Variants in RIC1 observed in about 807,000 individuals in gnomAD.
RIC1 encodes RIC1 partner of RAB6A GEF complex, also known as guanine nucleotide exchange factor subunit RIC1.
RIC1 carries 88 observed loss-of-function variants against 169.0 expected under a neutral mutation model. That is an observed-to-expected ratio of 0.52 (90% confidence interval 0.44 to 0.62). The LOEUF is 0.62. Among genes scored for constraint, RIC1 ranks in the 20% least tolerant of loss-of-function variants. The probability of loss-of-function intolerance (pLI) is 0.00; values close to 1 mark genes in which losing one functional copy is unlikely to be tolerated. For synonymous variants in RIC1, 790 were observed against 601.5 expected, an observed-to-expected ratio of 1.31 and a Z score of -4.59; for missense variants, 1,877 against 1,725.5, an observed-to-expected ratio of 1.09 and a Z score of -1.56.
rs530249849 is a variant in RIC1 at position 5,728,458 on chromosome 9, A to G, written c.721-3930A>G. 3.7e-4 allele frequency among the ~76,000 whole-genome samples: 56 copies of G among 152,318 alleles called. No homozygotes were observed. The South Asian group carries it at 6.2e-3, about 17-fold the overall frequency. ...CCATCTGTCATGGCTTCCTTTGGCT[A>G]TGAAAAGGAATTCCCCGACCCCTTG... On this transcript the variant is annotated intron_variant, in intron 6 of 25. Coordinates refer to ENST00000414202, the MANE Select transcript of RIC1 (RefSeq NM_020829.4).
chr9:5,765,312 T>G, intron 19 of RIC1, 102 bp from the exon 20 acceptor site: 1 of 1,231,734 alleles, frequency 8.1e-7, no homozygotes, highest in South Asian at 1.5e-5. Flanking sequence ...CCTGTGGTGG[T>G]GTGGCTACAT....
chr9:5,775,765 A>G lies in RIC1; in HGVS notation c.*1519A>G, dbSNP rs541234040. 7.2e-5 allele frequency: 11 copies of G among 152,338 alleles called. No homozygotes were observed. Among genetic ancestry groups the G allele is most frequent in the South Asian group, 2.1e-4 (1 of 4,830 alleles). The allele number at this position is 152,338 out of a possible 1,614,324, so 9.4% of individuals were successfully genotyped here. ...AAATTACTGAGTTGGGTAATTTACT[A>G]TCATTTACTTTTTACATTACAAGTG... On this transcript the variant is annotated 3_prime_UTR_variant, in exon 26 of 26. Transcript: ENST00000414202.
chr9:5,691,327 G>T (rs1821580483), intron 3 of RIC1, among the ~76,000 whole-genome samples: 1 of 151,866 alleles, frequency 6.6e-6, no homozygotes, highest in East Asian at 1.9e-4. Flanking sequence ...GTTCCTGAAT[G>T]GTAGAACTGT....
intron 1 of RIC1, among the ~76,000 whole-genome samples, chr9:5,634,596 C>A (rs2130246388): frequency 6.6e-6 from 1 of 152,066 alleles, no homozygotes; most frequent in South Asian, 2.1e-4. Context: ...TGTATGAGTT[C>A]CTTACATATC....
chr9:5,767,113 A>G (rs1446025995), intron 21 of RIC1, among the ~76,000 whole-genome samples: 1 of 152,242 alleles, frequency 6.6e-6, no homozygotes, highest in African/African-American at 2.4e-5. Flanking sequence ...TAGAGGACCA[A>G]AAGGAAGATA....
In RIC1 at chr9:5,763,403, C is replaced by G. The variant is rs1826467727; in HGVS notation, c.2376C>G (p.Val792=). 6.2e-7 allele frequency: 1 copy of G among 1,614,166 alleles called. No homozygotes were observed. Among genetic ancestry groups the G allele is most frequent in the Non-Finnish European group, 8.5e-7 (1 of 1,180,024 alleles). Residue 792 remains valine (V), a synonymous_variant, in exon 19 of 26, where the codon GTC becomes GTG. Coordinates refer to ENST00000414202, the MANE Select transcript of RIC1 (RefSeq NM_020829.4). The surrounding 1 kb of genome is among the most constrained non-coding windows in gnomAD (Gnocchi z 5.2). ...AAGATGCTTTAGTCCTTGGTGCTGT[C>G]AATGACACTTTGCTCTATGATTCTT... ...LFEDALVLGA[V]NDTLLYDSLY... is the part of the protein sequence containing the mutation.
chr9:5,657,170 C>T (rs1012676207), intron 2 of RIC1, among the ~76,000 whole-genome samples: 5 of 152,026 alleles, frequency 3.3e-5, no homozygotes, highest in Non-Finnish European at 2.9e-5. Flanking sequence ...TTAAATTCCT[C>T]CCTTCCATTC....
chr9:5,637,599 C>T (rs1056358049), intron 1 of RIC1, among the ~76,000 whole-genome samples: 1 of 152,214 alleles, frequency 6.6e-6, no homozygotes, highest in Non-Finnish European at 1.5e-5. Context: ...CACCTCCCTT[C>T]CTATCCCCCC....
At chr9:5,654,408 A>G (rs540949023) in intron 1 of RIC1, among the ~76,000 whole-genome samples, 2 of 152,116 alleles carry the variant, frequency 1.3e-5, no homozygotes, top group Admixed American at 6.5e-5. Context: ...CACCATGTCC[A>G]GCTAATTTTT....
intron 2 of RIC1, among the ~76,000 whole-genome samples, chr9:5,682,661 A>G (rs943289795): frequency 1.3e-5 from 2 of 152,070 alleles, no homozygotes; most frequent in Non-Finnish European, 2.9e-5. Context: ...CTCAAGGAGT[A>G]TCTTTGTGGC....
At chr9:5,749,022 G>C (rs990529927) in intron 12 of RIC1, among the ~76,000 whole-genome samples, 1 of 152,076 alleles carries the variant, frequency 6.6e-6, no homozygotes, top group African/African-American at 2.4e-5. Context: ...ATGAAAATGG[G>C]CTCATAGAAT....
intron 2 of RIC1, among the ~76,000 whole-genome samples, chr9:5,671,406 G>C (rs1450143877): frequency 6.6e-6 from 1 of 151,920 alleles, no homozygotes; most frequent in Admixed American, 6.6e-5. Flanking sequence ...CTCCCAAGTA[G>C]TTGGGATTAC....
chr9:5,704,107 A>T (rs1822408707), intron 3 of RIC1, among the ~76,000 whole-genome samples: 1 of 151,352 alleles, frequency 6.6e-6, no homozygotes, highest in Non-Finnish European at 1.5e-5. Flanking sequence ...TATGGTTTTG[A>T]TGTGTATTTC....
intron 3 of RIC1, among the ~76,000 whole-genome samples, chr9:5,708,698 G>T (rs1235981058): frequency 6.6e-6 from 1 of 152,038 alleles, no homozygotes; most frequent in Non-Finnish European, 1.5e-5. Flanking sequence ...TTTTTTGACA[G>T]TTTGAACATG....
chr9:5,758,722 CTTTTT>C (rs754931692), intron 17 of RIC1, among the ~76,000 whole-genome samples: 1 of 98,436 alleles, frequency 1.0e-5, no homozygotes, highest in East Asian at 2.6e-4. Flanking sequence ...GGTCTCCCTT[CTTTTT>C]TTTTTTTTTT....
intron 2 of RIC1, among the ~76,000 whole-genome samples, chr9:5,681,170 G>A (rs943956544): frequency 1.3e-5 from 2 of 151,940 alleles, no homozygotes; most frequent in Non-Finnish European, 2.9e-5. Context: ...CTTCAGTTCT[G>A]CTCTGATCTT....
rs988760881 is a variant in RIC1 at position 5,629,196 on chromosome 9, TGCCGCCGCC to T, written c.-103_-95del. ...AGGCCAGCGGGCAGATGCCCCGAGC[TGCCGCCGCC>T]GCCGCCGCCGACTCGGCCGGTGGCG... On this transcript the variant is annotated 5_prime_UTR_variant, in exon 1 of 26. Transcript: ENST00000414202. 4.6e-5 allele frequency: 52 copies of T among 1,119,548 alleles called. No homozygotes were observed. Among genetic ancestry groups the T allele is most frequent in the East Asian group, 2.0e-4 (6 of 29,946 alleles). The allele number at this position is 1,119,548 out of a possible 1,614,324, so 69.4% of individuals were successfully genotyped here.
Position 5,714,070 on chromosome 9 carries a change from G to A in RIC1, c.440+67G>A, listed in dbSNP as rs896721625. ...AGACAATGTAGTTCGTAAATCCCAT[G>A]ACCAACAGGAAAGTTAGTTTAATTT... is the stretch of plus-strand genomic sequence containing the variant. On this transcript the variant is annotated intron_variant, in intron 4 of 25. Coordinates refer to ENST00000414202, the MANE Select transcript of RIC1 (RefSeq NM_020829.4). 10 of 960,728 alleles carry A rather than the reference G, an allele frequency of 1.0e-5. No individual in the cohort carries two copies. The Admixed American group carries it at 1.9e-4, about 18-fold the overall frequency. 59.5% of individuals were successfully genotyped at this position (960,728 alleles called of 1,614,324 possible). A position where few individuals can be genotyped will look rare whatever the true frequency, so the allele number is the denominator to read the frequency against.
Position 5,768,971 on chromosome 9 carries a change from T to C in RIC1, c.3139T>C (p.Trp1047Arg). The C allele has an allele frequency of 6.3e-7, 1 of 1,597,806 alleles. No individual in the cohort carries two copies. The highest frequency in any genetic ancestry group is 1.4e-5 in the African/African-American group (1 of 74,012). ...GCTTTCTTGTGTTTCCACTTACAGA[T>C]GGAGCAAAGACAGTGACTGTGCTGA... Reference protein sequence around the residue: ...SMPSGPSGKRWSKDSDCAENM... With the variant: ...SMPSGPSGKRRSKDSDCAENM... The change falls in exon 22 of 26, where the codon TGG becomes CGG. Residue 1047 changes from tryptophan (W) to arginine (R), a missense_variant and splice_region_variant. Around this residue, in one of 3 missense-constraint regions of RIC1, gnomAD observed 681 missense variants for 582.0 expected, o/e 1.17. Transcript: ENST00000414202.
Sources: allele counts gnomAD v4.1 joint callset (sites outside exome capture counted in the v4.1 genomes callset), GRCh38; gene constraint gnomAD v4.1.1; regional missense constraint gnomAD v4.1.1; non-coding constraint Gnocchi (gnomAD v3.1); transcripts MANE v1.5; gene names NCBI Gene and HGNC (gene_info 2026-07-23, HGNC 2026-07-21).